Variants in NFAT5 observed in about 807,000 individuals in gnomAD.
The protein encoded by NFAT5 is nuclear factor of activated T-cells 5.
In NFAT5, 31 loss-of-function variants were observed where a neutral mutation model predicts 166.5. The observed-to-expected ratio is 0.19, with a 90% CI of 0.14 to 0.25. NFAT5 has a LOEUF of 0.25. Ranked by LOEUF, NFAT5 falls within the 10% of genes least tolerant of loss-of-function variation. The probability of loss-of-function intolerance (pLI) is 1.00; values close to 1 mark genes in which losing one functional copy is unlikely to be tolerated. For synonymous variants in NFAT5, 612 were observed against 639.7 expected (o/e 0.96, Z 0.65); for missense variants, 1,449 against 1,821.8 (o/e 0.80, Z 3.72).
At position 69,702,914 on chromosome 16, in the gene NFAT5, ATTTAG is replaced by A; in HGVS notation, c.*6567_*6571del. 1 of 152,630 alleles carries A rather than the reference ATTTAG, an allele frequency of 6.6e-6. No individual in the cohort carries two copies. The highest frequency in any genetic ancestry group is 1.9e-4 in the East Asian group (1 of 5,198). 9.5% of individuals were successfully genotyped at this position (152,630 alleles called of 1,614,324 possible). On this transcript the variant is annotated 3_prime_UTR_variant, in exon 15 of 15. Coordinates refer to ENST00000349945, the MANE Select transcript of NFAT5 (RefSeq NM_138713.4). ...AGTCTAATTCTTGATAATTCAGTTA[ATTTAG>A]TTTGGCATTTTCCTACCACTTACTA... is the stretch of plus-strand genomic sequence containing the variant.
chr16:69,578,955 A>G (rs902355941), intron 2 of NFAT5, among the ~76,000 whole-genome samples: 1 of 151,788 alleles, frequency 6.6e-6, no homozygotes, highest in Non-Finnish European at 1.5e-5. Flanking sequence ...GCTCACTGCA[A>G]GCTCCTCCTC....
At chr16:69,686,280 G>C (rs1345396680) in intron 11 of NFAT5, among the ~76,000 whole-genome samples, 3 of 152,016 alleles carry the variant, frequency 2.0e-5, no homozygotes, top group Non-Finnish European at 2.9e-5. Flanking sequence ...TTGAACCTGG[G>C]AGGTGGAGGC....
At chr16:69,636,711 G>A (rs905548431) in intron 3 of NFAT5, among the ~76,000 whole-genome samples, 2 of 152,176 alleles carry the variant, frequency 1.3e-5, no homozygotes, top group African/African-American at 2.4e-5. Flanking sequence ...TGGGACACAG[G>A]GCACCAAGTC....
At chr16:69,660,956 G>A (rs1368683334) in intron 7 of NFAT5, among the ~76,000 whole-genome samples, 1 of 151,736 alleles carries the variant, frequency 6.6e-6, no homozygotes, top group Non-Finnish European at 1.5e-5. Context: ...TTACAGGTGT[G>A]TGCCACTAGC....
At chr16:69,679,220 C>G (rs976108522) in intron 10 of NFAT5, among the ~76,000 whole-genome samples, 1 of 152,094 alleles carries the variant, frequency 6.6e-6, no homozygotes, top group Non-Finnish European at 1.5e-5. Flanking sequence ...CGTGAGCCAC[C>G]ACTCCCAGCC....
At chr16:69,679,295 G>A (rs1361884400) in intron 10 of NFAT5, among the ~76,000 whole-genome samples, 1 of 151,956 alleles carries the variant, frequency 6.6e-6, no homozygotes, top group African/African-American at 2.4e-5. Flanking sequence ...TGTTACAAAA[G>A]GTATGCCACA....
At chr16:69,656,245 C>T (rs1597481312) in intron 6 of NFAT5, among the ~76,000 whole-genome samples, 1 of 149,080 alleles carries the variant, frequency 6.7e-6, no homozygotes, top group Non-Finnish European at 1.5e-5. Flanking sequence ...TGTGCCACTG[C>T]CCTCCAAGCT....
chr16:69,628,723 A>G (rs2034576064), intron 3 of NFAT5, among the ~76,000 whole-genome samples: 1 of 152,204 alleles, frequency 6.6e-6, no homozygotes, highest in South Asian at 2.1e-4. Context: ...AAGGCTAGAT[A>G]GATGTCTAGG....
chr16:69,649,935 G>C (rs1257772459), intron 4 of NFAT5, among the ~76,000 whole-genome samples: 1 of 151,438 alleles, frequency 6.6e-6, no homozygotes, highest in African/African-American at 2.4e-5. Flanking sequence ...ATATGACTAA[G>C]ATGTTAGAGT....
intron 9 of NFAT5, among the ~76,000 whole-genome samples, chr16:69,672,800 G>T (rs2036678043): frequency 6.6e-6 from 1 of 152,122 alleles, no homozygotes; most frequent in African/African-American, 2.4e-5. Context: ...AAATTAGTTA[G>T]ATTAATGTAG....
chr16:69,654,342 A>G (rs2151634608), intron 5 of NFAT5, among the ~76,000 whole-genome samples: 1 of 152,292 alleles, frequency 6.6e-6, no homozygotes, highest in Non-Finnish European at 1.5e-5. Context: ...TACTTGAATG[A>G]AATTATGATT....
intron 3 of NFAT5, among the ~76,000 whole-genome samples, chr16:69,631,507 C>T (rs886874717): frequency 6.6e-6 from 1 of 152,078 alleles, no homozygotes; most frequent in Non-Finnish European, 1.5e-5. Context: ...CTTAATAATG[C>T]ATTAATAATT....
At chr16:69,591,911 C>A (rs1261467953) in intron 2 of NFAT5, among the ~76,000 whole-genome samples, 1 of 151,854 alleles carries the variant, frequency 6.6e-6, no homozygotes, top group African/African-American at 2.4e-5. Flanking sequence ...GCCTGGGTGA[C>A]AGAATGAGAC....
chr16:69,657,642 C>G (rs1458728278), intron 6 of NFAT5, among the ~76,000 whole-genome samples: 1 of 147,758 alleles, frequency 6.8e-6, no homozygotes, highest in African/African-American at 2.5e-5. Flanking sequence ...CGCCTGTAAT[C>G]CAAGCTACTT....
rs2036488002 is a variant in NFAT5, at chr16:69,668,355, A to T, written c.1370-1622A>T. 3.3e-5 allele frequency among the ~76,000 whole-genome samples: 5 copies of T among 152,202 alleles called. No homozygotes were observed. In the South Asian group the frequency reaches 1.0e-3, roughly 32 times the overall value. ...AGCATTGTTGAAAATGTCATTTATC[A>T]TATACAAACAGGTTAAATATCTCTT... On this transcript the variant is annotated intron_variant, in intron 7 of 14. Transcript: ENST00000349945.
chr16:69,579,382 G>T (rs951134665), intron 2 of NFAT5, among the ~76,000 whole-genome samples: 3 of 152,026 alleles, frequency 2.0e-5, no homozygotes, highest in Non-Finnish European at 2.9e-5. Flanking sequence ...TACAGGATGA[G>T]AATTTATATG....
chr16:69,648,900 C>G (rs1457974663), intron 4 of NFAT5: 2 of 949,034 alleles, frequency 2.1e-6, no homozygotes, highest in East Asian at 1.2e-4. Flanking sequence ...AGCACTCCCT[C>G]AGTACATTTT....
intron 2 of NFAT5, among the ~76,000 whole-genome samples, chr16:69,580,950 C>T (rs577822337): frequency 3.9e-5 from 6 of 152,308 alleles, no homozygotes; most frequent in South Asian, 2.1e-4. Context: ...CTGCCGCACC[C>T]GGCCGAAATC....
At chr16:69,646,467 G>A (rs1169324463) in intron 3 of NFAT5, 1 of 780,966 alleles carries the variant, frequency 1.3e-6, no homozygotes, top group South Asian at 1.8e-5. Context: ...TTGATATCTG[G>A]AATAATCAGC....
Sources: allele counts gnomAD v4.1 joint callset (sites outside exome capture counted in the v4.1 genomes callset), GRCh38; gene constraint gnomAD v4.1.1; transcripts MANE v1.5; gene names NCBI Gene and HGNC (gene_info 2026-07-23, HGNC 2026-07-21).